Variants in DGKB observed in about 807,000 individuals in gnomAD.
DGKB encodes 90 kDa diacylglycerol kinase.
Under a neutral mutation model 114.3 loss-of-function variants are expected in DGKB, and 67 were observed. That is an observed-to-expected ratio of 0.59 (90% CI 0.48 to 0.72). The LOEUF is 0.72. Ranked by LOEUF, DGKB falls within the 30% of genes least tolerant of loss-of-function variation. The pLI, the probability that DGKB is intolerant of heterozygous loss-of-function variation, is 0.00. For synonymous variants in DGKB, 398 were observed against 323.1 expected (o/e 1.23, Z -2.49); for missense variants, 907 against 975.2 (o/e 0.93, Z 0.93).
chr7:14,154,166 TAG>T (rs1308077288), intron 25 of DGKB, among the ~76,000 whole-genome samples: 2 of 136,060 alleles, frequency 1.5e-5, no homozygotes, highest in African/African-American at 5.5e-5. Flanking sequence ...ATTGATATGG[TAG>T]AGTTTTGTCT....
At chr7:14,423,584 A>G (rs1827056970) in intron 21 of DGKB, among the ~76,000 whole-genome samples, 1 of 152,094 alleles carries the variant, frequency 6.6e-6, no homozygotes, top group African/African-American at 2.4e-5. Context: ...TGGTTTTGAT[A>G]TATTTTGAGA....
chr7:14,359,543 G>T (rs1815281629), intron 21 of DGKB, among the ~76,000 whole-genome samples: 1 of 151,734 alleles, frequency 6.6e-6, no homozygotes, highest in Non-Finnish European at 1.5e-5. Context: ...TACAGAATGG[G>T]AGAAAAGTTT....
intron 23 of DGKB, among the ~76,000 whole-genome samples, chr7:14,330,388 C>T (rs1279342779): frequency 6.6e-6 from 1 of 151,894 alleles, no homozygotes; most frequent in African/African-American, 2.4e-5. Context: ...GGATTTTGCC[C>T]ATTTTCCTAA....
At chr7:14,615,590 A>C (rs946950581) in intron 15 of DGKB, among the ~76,000 whole-genome samples, 1 of 151,880 alleles carries the variant, frequency 6.6e-6, no homozygotes, top group African/African-American at 2.4e-5. Flanking sequence ...ATGTATTAGA[A>C]AAATCAGAGA....
intron 21 of DGKB, among the ~76,000 whole-genome samples, chr7:14,445,408 A>G (rs927228394): frequency 6.6e-6 from 1 of 151,972 alleles, no homozygotes; most frequent in Non-Finnish European, 1.5e-5. Context: ...AAAAATCCAA[A>G]TAGAACTATC....
chr7:14,189,421 G>C (rs916891869), intron 23 of DGKB, among the ~76,000 whole-genome samples: 1 of 152,032 alleles, frequency 6.6e-6, no homozygotes, highest in African/African-American at 2.4e-5. Context: ...ACAATCAAAT[G>C]AGAATGAGAA....
rs537837399 is a variant in DGKB, at chr7:14,908,952, T to C, written c.-188+65744A>G. Among the ~76,000 whole-genome samples the C allele has an allele frequency of 4.6e-5, 7 of 152,328 alleles. No homozygotes were observed. In the East Asian group the frequency reaches 1.2e-3, roughly 25 times the overall value. ...TCAGCCATCTGTGTGGTATTTGTCC[T>C]TGAAGTTAGTTTGAAAAAGTAAGGA... On this transcript the variant is annotated intron_variant, in intron 1 of 4. Transcript: ENST00000437998.
chr7:14,478,697 T>C (rs1342190717), intron 20 of DGKB, among the ~76,000 whole-genome samples: 1 of 151,946 alleles, frequency 6.6e-6, no homozygotes, highest in East Asian at 1.9e-4. Flanking sequence ...GCATGTCTAG[T>C]AAAGATAAGT....
intron 21 of DGKB, among the ~76,000 whole-genome samples, chr7:14,445,202 G>A (rs1000017162): frequency 6.6e-6 from 1 of 151,674 alleles, no homozygotes; most frequent in African/African-American, 2.4e-5. Flanking sequence ...ATAATGTATA[G>A]AGTAAAAACT....
At chr7:14,240,672 C>G (rs895932254) in intron 23 of DGKB, among the ~76,000 whole-genome samples, 4 of 152,058 alleles carry the variant, frequency 2.6e-5, no homozygotes, top group African/African-American at 9.7e-5. Context: ...AACTTAGTTT[C>G]TGCCATGTGG....
intron 1 of DGKB, among the ~76,000 whole-genome samples, chr7:14,969,215 C>G (rs1192909521): frequency 6.6e-6 from 1 of 152,126 alleles, no homozygotes; most frequent in African/African-American, 2.4e-5. Flanking sequence ...TTCATACTTT[C>G]AGATCTTGCA....
chr7:14,439,334 T>TTCTAAAGTA (rs919818778), intron 21 of DGKB, among the ~76,000 whole-genome samples: 1 of 152,110 alleles, frequency 6.6e-6, no homozygotes, highest in Non-Finnish European at 1.5e-5. Context: ...ATAGAAATAT[T>TTCTAAAGTA]TCTAAAGTAT....
intron 21 of DGKB, among the ~76,000 whole-genome samples, chr7:14,359,708 C>T (rs1361523083): frequency 6.6e-6 from 1 of 152,090 alleles, no homozygotes; most frequent in African/African-American, 2.4e-5. Flanking sequence ...CCAACAGACA[C>T]ATGAAAAAAT....
upstream of DGKB, among the ~76,000 whole-genome samples, chr7:14,904,114 A>C (rs1783519381): frequency 6.6e-6 from 1 of 152,120 alleles, no homozygotes; most frequent in African/African-American, 2.4e-5. Context: ...CAAATCCCCC[A>C]AAGAATAGAA....
intron 20 of DGKB, among the ~76,000 whole-genome samples, chr7:14,482,569 C>T (rs1469968843): frequency 1.3e-5 from 2 of 151,966 alleles, no homozygotes; most frequent in African/African-American, 4.8e-5. Flanking sequence ...ATACTAGAAA[C>T]ACTACACTTT....
At chr7:14,645,717 C>T (rs537357772) in intron 13 of DGKB, among the ~76,000 whole-genome samples, 68 of 151,440 alleles carry the variant, frequency 4.5e-4, no homozygotes, top group African/African-American at 1.6e-3. Flanking sequence ...AAAAACCTGT[C>T]AGCCAAGAAT....
At chr7:14,641,682 T>A (rs550979208) in intron 13 of DGKB, among the ~76,000 whole-genome samples, 1 of 152,124 alleles carries the variant, frequency 6.6e-6, no homozygotes, top group Non-Finnish European at 1.5e-5. Context: ...TAATTACATA[T>A]AGTTCAATAT....
intron 23 of DGKB, among the ~76,000 whole-genome samples, chr7:14,246,673 C>T (rs889722113): frequency 1.3e-5 from 2 of 152,084 alleles, no homozygotes; most frequent in Admixed American, 6.6e-5. Flanking sequence ...TTATTTATCA[C>T]CCCTCCAGCT....
chr7:14,804,100 T>TC (rs1425605032), intron 2 of DGKB, among the ~76,000 whole-genome samples: 10 of 151,732 alleles, frequency 6.6e-5, no homozygotes, highest in Non-Finnish European at 1.5e-4. Flanking sequence ...TGTGTGTGTT[T>TC]AGTAATTTTT....
Sources: allele counts gnomAD v4.1 joint callset (sites outside exome capture counted in the v4.1 genomes callset), GRCh38; gene constraint gnomAD v4.1.1; transcripts MANE v1.5; gene names NCBI Gene and HGNC (gene_info 2026-07-23, HGNC 2026-07-21).